Variants in IGSF21 observed in about 807,000 individuals in gnomAD.
IGSF21 encodes immunoglobin superfamily member 21.
In IGSF21, 28 loss-of-function variants were observed where a neutral mutation model predicts 46.8. That is an observed-to-expected ratio of 0.60 (90% CI 0.44 to 0.82). The LOEUF is 0.82. Ranked by LOEUF, IGSF21 falls within the 40% of genes least tolerant of loss-of-function variation. The pLI is 0.00. For synonymous variants in IGSF21, 284 were observed against 273.6 expected, an observed-to-expected ratio of 1.04 and a Z score of -0.38; for missense variants, 624 against 665.5, an observed-to-expected ratio of 0.94 and a Z score of 0.69.
At chr1:18,341,141 T>TTG (rs1553164990) in intron 4 of IGSF21, among the ~76,000 whole-genome samples, 9 of 150,808 alleles carry the variant, frequency 6.0e-5, no homozygotes, top group African/African-American at 1.9e-4. Context: ...TTTTTTTTTT[T>TTG]TGTGTGTGTG....
intron 1 of IGSF21, among the ~76,000 whole-genome samples, chr1:18,223,957 G>A (rs758945771): frequency 1.3e-5 from 2 of 152,166 alleles, no homozygotes; most frequent in Non-Finnish European, 2.9e-5. Context: ...TCCAAGTAGG[G>A]CCATCCCTGG....
intron 1 of IGSF21, among the ~76,000 whole-genome samples, chr1:18,178,130 AAG>A: frequency 6.6e-6 from 1 of 152,236 alleles, no homozygotes; most frequent in South Asian, 2.1e-4. Context: ...CAGGCTGGAA[AAG>A]AGAGAAAGGG....
chr1:18,323,285 A>G (rs1297835216), intron 3 of IGSF21, among the ~76,000 whole-genome samples: 2 of 152,076 alleles, frequency 1.3e-5, no homozygotes, highest in African/African-American at 4.8e-5. Flanking sequence ...GTCCTGTCCC[A>G]GCTTCACCAC....
chr1:18,351,975 T>C (rs1233499603), intron 4 of IGSF21, among the ~76,000 whole-genome samples: 2 of 152,194 alleles, frequency 1.3e-5, no homozygotes, highest in African/African-American at 4.8e-5. Context: ...TGCATGGGCC[T>C]AGAGGCCTAG....
intron 2 of IGSF21, among the ~76,000 whole-genome samples, chr1:18,274,607 C>A (rs2124549322): frequency 6.6e-6 from 1 of 152,374 alleles, no homozygotes; most frequent in Admixed American, 6.5e-5. Flanking sequence ...TTAATTGTGA[C>A]AGACGCTGTG....
chr1:18,372,838 ATGGATGGATGGATGGATGGATGGATGGG>A (rs200553160), intron 6 of IGSF21, among the ~76,000 whole-genome samples: 15,652 of 126,772 alleles, frequency 0.12, 734 homozygotes, highest in East Asian at 0.25. Flanking sequence ...GGATGGATGG[ATGGATGGATGGATGGATGGATGGATGGG>A]TGGATGGATG....
At chr1:18,208,564 T>A (rs1295577583) in intron 1 of IGSF21, among the ~76,000 whole-genome samples, 1 of 137,190 alleles carries the variant, frequency 7.3e-6, no homozygotes, top group Admixed American at 7.2e-5. Flanking sequence ...TTTTTTTTTT[T>A]TTTTTTGTAT....
At position 18,108,113 on chromosome 1, in the gene IGSF21, C is replaced by A. The variant is rs2086108542; in HGVS notation, c.-16C>A. On this transcript the variant is annotated 5_prime_UTR_variant, in exon 1 of 10. Transcript: ENST00000251296. ...CACCCCCGCCGCCCCGCCACCGCCG[C>A]CAGCTCCCGGGCACCATGCGAACCG... The A allele has an allele frequency of 7.6e-7, 1 of 1,308,248 alleles. No individual in the cohort carries two copies. The highest frequency in any genetic ancestry group is 1.5e-5 in the African/African-American group (1 of 64,688). 81.0% of individuals were successfully genotyped at this position (1,308,248 alleles called of 1,614,324 possible).
rs138453175 is a variant in IGSF21 at position 18,279,112 on chromosome 1, C to A, written c.184-12754C>A. Among the ~76,000 whole-genome samples, 559 of 152,296 alleles carry A rather than the reference C, an allele frequency of 3.7e-3. 2 individuals carry two copies. The highest frequency in any genetic ancestry group is 0.024 in the Middle Eastern group (7 of 294). ...GAGCCCATGGGGACGTGGCAGGAAG[C>A]AACTTGATTCTTCTAAGCAAGCGGG... On this transcript the variant is annotated intron_variant, in intron 2 of 9. Coordinates refer to ENST00000251296, the MANE Select transcript of IGSF21 (RefSeq NM_032880.5).
Position 18,334,569 on chromosome 1 carries a change from C to T in IGSF21, c.306-323C>T, listed in dbSNP as rs570266748. Reference sequence around the variant, plus strand: ...CATACTAAATGCCCATACCTCTTCACCTGTGCCATCCTCACGGCTCCCTGG... The same window carrying T: ...CATACTAAATGCCCATACCTCTTCATCTGTGCCATCCTCACGGCTCCCTGG... On this transcript the variant is annotated intron_variant, in intron 3 of 9. Transcript: ENST00000251296. The surrounding 1 kb of genome is among the most constrained non-coding windows in gnomAD (Gnocchi z 4.3). Among the ~76,000 whole-genome samples the T allele has an allele frequency of 4.0e-4, 61 of 152,326 alleles. No homozygotes were observed. The highest frequency in any genetic ancestry group is 1.4e-3 in the African/African-American group (59 of 41,570).
At chr1:18,162,920 G>A (rs1426451318) in intron 1 of IGSF21, among the ~76,000 whole-genome samples, 2 of 152,208 alleles carry the variant, frequency 1.3e-5, no homozygotes, top group African/African-American at 2.4e-5. Context: ...AAACCCAGAG[G>A]AGTCTTTGGA....
intron 4 of IGSF21, among the ~76,000 whole-genome samples, chr1:18,347,475 T>G (rs990065275): frequency 1.1e-4 from 16 of 152,168 alleles, no homozygotes; most frequent in African/African-American, 3.4e-4. Flanking sequence ...GACAATGTGG[T>G]AGCCATATGG....
chr1:18,160,072 C>T (rs1324542111), intron 1 of IGSF21, among the ~76,000 whole-genome samples: 1 of 152,154 alleles, frequency 6.6e-6, no homozygotes, highest in Non-Finnish European at 1.5e-5. Flanking sequence ...CCTCAGAGGA[C>T]AAATTCAGAA....
chr1:18,345,532 G>A (rs927575195), intron 4 of IGSF21, among the ~76,000 whole-genome samples: 3 of 151,980 alleles, frequency 2.0e-5, no homozygotes, highest in Non-Finnish European at 2.9e-5. Flanking sequence ...TTATAGGCGC[G>A]CACTACCACG....
At chr1:18,129,666 G>A (rs1391432843) in intron 1 of IGSF21, among the ~76,000 whole-genome samples, 1 of 152,186 alleles carries the variant, frequency 6.6e-6, no homozygotes, top group Non-Finnish European at 1.5e-5. Flanking sequence ...GTCTCGTATC[G>A]ACCCAGCAAC....
At chr1:18,144,749 C>G (rs963128236) in intron 1 of IGSF21, among the ~76,000 whole-genome samples, 1 of 152,038 alleles carries the variant, frequency 6.6e-6, no homozygotes, top group Non-Finnish European at 1.5e-5. Context: ...AGCAGGGCCA[C>G]TCGGACAGAG....
At chr1:18,346,591 G>A (rs141425634) in intron 4 of IGSF21, among the ~76,000 whole-genome samples, 9 of 152,236 alleles carry the variant, frequency 5.9e-5, no homozygotes, top group South Asian at 2.1e-4. Context: ...GTGGAGACAC[G>A]GCGGACCTGG....
intron 1 of IGSF21, among the ~76,000 whole-genome samples, chr1:18,216,480 G>C (rs1557591773): frequency 6.6e-6 from 1 of 152,162 alleles, no homozygotes; most frequent in Non-Finnish European, 1.5e-5. Context: ...ATTTTAGGGG[G>C]CTGGGTACCT....
At chr1:18,176,670 C>G (rs1238978752) in intron 1 of IGSF21, among the ~76,000 whole-genome samples, 2 of 152,170 alleles carry the variant, frequency 1.3e-5, no homozygotes, top group African/African-American at 4.8e-5. Flanking sequence ...TTCTTCCCAC[C>G]ATGGAAGACT....
Sources: allele counts gnomAD v4.1 joint callset (sites outside exome capture counted in the v4.1 genomes callset), GRCh38; gene constraint gnomAD v4.1.1; non-coding constraint Gnocchi (gnomAD v3.1); transcripts MANE v1.5; gene names NCBI Gene and HGNC (gene_info 2026-07-23, HGNC 2026-07-21).